The following TSNARE1 variants were observed in gnomAD, a reference collection of about 807,000 sequenced individuals.
The protein encoded by TSNARE1 is t-SNARE domain-containing protein 1.
TSNARE1 carries 49 observed loss-of-function variants against 62.0 expected under a neutral mutation model. The observed-to-expected ratio is 0.79, with a 90% confidence interval of 0.63 to 1.00. TSNARE1 has a LOEUF of 1.00. Ranked by LOEUF, TSNARE1 falls within the 50% of genes least tolerant of loss-of-function variation. TSNARE1 has a pLI of 0.00. For missense variants in TSNARE1, 755 were observed against 700.1 expected (o/e 1.08, Z -0.88); for synonymous variants, 328 against 294.4 (o/e 1.11, Z -1.17).
At chr8:142,237,501 C>T (rs1209902137) in intron 12 of TSNARE1, among the ~76,000 whole-genome samples, 1 of 152,254 alleles carries the variant, frequency 6.6e-6, no homozygotes, top group Non-Finnish European at 1.5e-5. Flanking sequence ...GGCCCTGGCT[C>T]TCTCCACCGT....
chr8:142,244,496 A>G (rs530795135), intron 12 of TSNARE1, among the ~76,000 whole-genome samples: 21 of 152,366 alleles, frequency 1.4e-4, no homozygotes, highest in South Asian at 1.2e-3. Flanking sequence ...GTGATATACT[A>G]TGTTCACAGA....
intron 1 of TSNARE1, among the ~76,000 whole-genome samples, chr8:142,374,932 C>A (rs948076791): frequency 1.2e-4 from 19 of 152,160 alleles, no homozygotes; most frequent in African/African-American, 4.6e-4. Flanking sequence ...TTGACAGAAC[C>A]CGCCAGGGAC....
chr8:142,322,109 G>A (rs574469532), intron 6 of TSNARE1, among the ~76,000 whole-genome samples: 5 of 152,350 alleles, frequency 3.3e-5, no homozygotes, highest in African/African-American at 4.8e-5. Context: ...ACATCAGTGA[G>A]TGTAATTCTC....
intron 1 of TSNARE1, among the ~76,000 whole-genome samples, chr8:142,384,007 G>T (rs376360296): frequency 3.9e-5 from 6 of 152,172 alleles, no homozygotes; most frequent in African/African-American, 1.4e-4. Flanking sequence ...CGGTAGAAGG[G>T]GTGCAGTGCA....
intron 11 of TSNARE1, chr8:142,275,979 G>T (rs931410662): frequency 9.1e-5 from 90 of 985,330 alleles, no homozygotes; most frequent in Non-Finnish European, 9.5e-5. Flanking sequence ...TGGGCAGGAG[G>T]TGGAACCCAT....
Position 142,333,496 on chromosome 8 carries a change from C to T in TSNARE1, c.746-1665G>A, listed in dbSNP as rs571906409. 3.3e-5 allele frequency among the ~76,000 whole-genome samples: 5 copies of T among 152,298 alleles called. No individual in the cohort carries two copies. In the South Asian group the frequency reaches 8.3e-4, roughly 25 times the overall value. On this transcript the variant is annotated intron_variant, in intron 4 of 13. Transcript: ENST00000524325. The stretch of plus-strand genomic sequence containing the variant: ...GAGGGCTAGAAGATGCTAGGGGTGC[C>T]GAGGGGACCCTCCCAACACCAATCC...
At chr8:142,315,607 G>A (rs1035327095) in intron 7 of TSNARE1, among the ~76,000 whole-genome samples, 9 of 152,234 alleles carry the variant, frequency 5.9e-5, no homozygotes, top group Admixed American at 5.2e-4. Flanking sequence ...GCTGGAGCTG[G>A]AGAAGCACGG....
rs992277844 is a variant in TSNARE1, at chr8:142,359,461, G to A, written c.-39-4698C>T. 4.6e-4 allele frequency among the ~76,000 whole-genome samples: 70 copies of A among 152,242 alleles called. 1 individual carries two copies. The highest frequency in any genetic ancestry group is 4.4e-3 in the Admixed American group (68 of 15,298). ...CTAATCAAGAACCCCCACAGGATTGGTCCACCCTTCACTGAGGGAGGAAAG... is the reference window on the plus strand; with the variant it reads ...CTAATCAAGAACCCCCACAGGATTGATCCACCCTTCACTGAGGGAGGAAAG... On this transcript the variant is annotated intron_variant, in intron 1 of 13. Coordinates refer to ENST00000524325, the MANE Select transcript of TSNARE1 (RefSeq NM_145003.5).
intron 2 of TSNARE1, among the ~76,000 whole-genome samples, chr8:142,353,279 A>G (rs1834338901): frequency 6.6e-6 from 1 of 152,150 alleles, no homozygotes; most frequent in Non-Finnish European, 1.5e-5. Flanking sequence ...CAGTCAGAAC[A>G]CAGGCCCCCT....
At chr8:142,385,671 T>C (rs1003836103) in intron 1 of TSNARE1, among the ~76,000 whole-genome samples, 8 of 152,212 alleles carry the variant, frequency 5.3e-5, no homozygotes, top group Admixed American at 4.6e-4. Context: ...GTAGATTTAA[T>C]AGTATAAAGG....
intron 4 of TSNARE1, among the ~76,000 whole-genome samples, chr8:142,333,924 T>G (rs778396765): frequency 8.5e-5 from 13 of 152,080 alleles, no homozygotes; most frequent in Non-Finnish European, 1.6e-4. Context: ...TGGCCCAGCC[T>G]AGCAAGGTCA....
At chr8:142,338,899 C>T (rs1832147319) in intron 4 of TSNARE1, among the ~76,000 whole-genome samples, 1 of 152,162 alleles carries the variant, frequency 6.6e-6, no homozygotes, top group African/African-American at 2.4e-5. Flanking sequence ...CTCCCTCTGC[C>T]ATCTGGGAGC....
intron 13 of TSNARE1, among the ~76,000 whole-genome samples, chr8:142,227,283 C>G (rs1816864153): frequency 6.6e-6 from 1 of 150,742 alleles, no homozygotes; most frequent in Non-Finnish European, 1.5e-5. Context: ...ACTGCACCCA[C>G]ACAACAGTGA....
chr8:142,359,857 C>G (rs1383677383), intron 1 of TSNARE1, among the ~76,000 whole-genome samples: 1 of 152,214 alleles, frequency 6.6e-6, no homozygotes, highest in African/African-American at 2.4e-5. Flanking sequence ...CCACAGCATG[C>G]CACTCCTGTC....
intron 1 of TSNARE1, among the ~76,000 whole-genome samples, chr8:142,354,977 T>A (rs988365241): frequency 6.6e-6 from 1 of 150,384 alleles, no homozygotes; most frequent in African/African-American, 2.5e-5. Context: ...CACTGGTCCC[T>A]GCAGGAACAC....
rs987402876 is a variant in TSNARE1, at chr8:142,319,225, G to A, written c.894-591C>T. ...ACGAGCCCTCCCTGCAGAAAGGCCC[G>A]TCTCGGGGTCAGCTCCCCTCGGAAA... On this transcript the variant is annotated intron_variant, in intron 6 of 13. Transcript: ENST00000524325. This position sits in a 1 kb window ranked among gnomAD's most constrained non-coding sequence, Gnocchi z 4.9. Among the ~76,000 whole-genome samples, 8 of 152,202 alleles carry A rather than the reference G, an allele frequency of 5.3e-5. No individual in the cohort carries two copies. The highest frequency in any genetic ancestry group is 3.4e-3 in the Middle Eastern group (1 of 294).
intron 1 of TSNARE1, among the ~76,000 whole-genome samples, chr8:142,402,540 G>A (rs776916438): frequency 2.4e-4 from 37 of 152,236 alleles, no homozygotes; most frequent in Non-Finnish European, 4.8e-4. Flanking sequence ...TCACCTGAAA[G>A]TCCCTGGTGG....
chr8:142,297,156 C>T (rs931040306), intron 10 of TSNARE1, among the ~76,000 whole-genome samples: 5 of 152,318 alleles, frequency 3.3e-5, no homozygotes, highest in Admixed American at 2.0e-4. Context: ...GACAGCATGT[C>T]CCCAGCCTGG....
At chr8:142,387,107 A>G (rs1200952272) in intron 1 of TSNARE1, among the ~76,000 whole-genome samples, 2 of 152,236 alleles carry the variant, frequency 1.3e-5, no homozygotes, top group Non-Finnish European at 2.9e-5. Context: ...GGAATAGTCA[A>G]TATTCTCTCA....
Sources: gnomAD v4.1 joint callset for allele counts (sites outside exome capture counted in the v4.1 genomes callset) on GRCh38, gnomAD v4.1.1 for gene constraint, Gnocchi (gnomAD v3.1) non-coding constraint, MANE v1.5 for transcripts, NCBI Gene and HGNC (gene_info 2026-07-23, HGNC 2026-07-21) for gene names.